Variants in DRC8 observed in about 807,000 individuals in gnomAD.
DRC8 encodes dynein regulatory complex protein 8.
the DRC8 span, among the ~76,000 whole-genome samples, chr1:245,082,383 G>A: frequency 2.0e-5 from 3 of 152,178 alleles, no homozygotes; most frequent in Non-Finnish European, 2.9e-5. Context: ...TAATTAGAGG[G>A]TAAATAAGCT....
At chr1:245,038,465 G>A in the DRC8 span, among the ~76,000 whole-genome samples, 2,228 of 145,810 alleles carry the variant, frequency 0.015, 57 homozygotes, top group African/African-American at 0.054. Flanking sequence ...GTGAGACTCC[G>A]TCTCAAAAAA....
At chr1:245,098,100 A>G in the DRC8 span, among the ~76,000 whole-genome samples, 1 of 152,176 alleles carries the variant, frequency 6.6e-6, no homozygotes, top group Non-Finnish European at 1.5e-5. Context: ...TTTGGGATCT[A>G]TTTGGAAGGT....
chr1:244,984,869 C>A, the DRC8 span, among the ~76,000 whole-genome samples: 6 of 146,722 alleles, frequency 4.1e-5, no homozygotes, highest in Non-Finnish European at 3.0e-5. Context: ...AAAAAAACTC[C>A]CTCAATTTCC....
the DRC8 span, among the ~76,000 whole-genome samples, chr1:245,108,229 C>T: frequency 6.6e-6 from 1 of 152,272 alleles, no homozygotes; most frequent in Non-Finnish European, 1.5e-5. Context: ...CTTCCATTTC[C>T]CAGCCTCCTG....
At chr1:244,989,501 G>A in the DRC8 span, among the ~76,000 whole-genome samples, 1 of 152,122 alleles carries the variant, frequency 6.6e-6, no homozygotes, top group African/African-American at 2.4e-5. Flanking sequence ...GGGATTTTAG[G>A]AGGGAGACCA....
chr1:245,013,303 A>T, the DRC8 span, among the ~76,000 whole-genome samples: 2 of 152,212 alleles, frequency 1.3e-5, no homozygotes, highest in Admixed American at 6.5e-5. Flanking sequence ...TATGAGAAGA[A>T]ATCTCAACAG....
At chr1:245,082,184 T>C in the DRC8 span, 1 of 1,581,366 alleles carries the variant, frequency 6.3e-7, no homozygotes, top group African/African-American at 1.3e-5. Context: ...AATGCAATTG[T>C]TAAGGCAAAG....
At chr1:244,986,427 G>A in the DRC8 span, among the ~76,000 whole-genome samples, 39 of 152,316 alleles carry the variant, frequency 2.6e-4, no homozygotes, top group Non-Finnish European at 2.1e-4. Flanking sequence ...ACATGAAGGT[G>A]GGAAGAATGG....
At chr1:245,045,279 G>A in the DRC8 span, among the ~76,000 whole-genome samples, 2 of 152,186 alleles carry the variant, frequency 1.3e-5, no homozygotes, top group African/African-American at 4.8e-5. Flanking sequence ...CACAGTGCTG[G>A]GATCACAGGT....
chr1:244,997,263 G>T, the DRC8 span, among the ~76,000 whole-genome samples: 1 of 151,904 alleles, frequency 6.6e-6, no homozygotes, highest in African/African-American at 2.4e-5. Context: ...AGAGTCCTTT[G>T]GAGCGTCAGA....
At chr1:245,002,372 A>C in the DRC8 span, 1 of 704,220 alleles carries the variant, frequency 1.4e-6, no homozygotes, top group East Asian at 2.7e-5. Context: ...ATAAATCTTC[A>C]TTTGATAGCT....
the DRC8 span, among the ~76,000 whole-genome samples, chr1:245,051,033 AT>A: frequency 2.6e-5 from 4 of 151,994 alleles, no homozygotes; most frequent in African/African-American, 9.7e-5. Context: ...TACCCCAATA[AT>A]TTTTAAAAAA....
At chr1:245,077,262 A>G in the DRC8 span, among the ~76,000 whole-genome samples, 74 of 152,274 alleles carry the variant, frequency 4.9e-4, no homozygotes, top group African/African-American at 1.7e-3. Flanking sequence ...AGCATGATTA[A>G]ACATCTACCC....
chr1:245,002,262 A>G, the DRC8 span: 9 of 1,557,438 alleles, frequency 5.8e-6, no homozygotes, highest in East Asian at 1.1e-4. Context: ...CCTCCCCATC[A>G]CTGTGTCAAT....
At chr1:245,039,307 A>C in the DRC8 span, among the ~76,000 whole-genome samples, 3 of 60,034 alleles carry the variant, frequency 5.0e-5, no homozygotes, top group African/African-American at 7.9e-5. Flanking sequence ...CTACAAAAAA[A>C]AAAAAAAAAA....
At chr1:245,081,968 G>T in the DRC8 span, 1 of 791,712 alleles carries the variant, frequency 1.3e-6, no homozygotes. Context: ...CAGGGGTCAC[G>T]CCCAAGTGTG....
the DRC8 span, among the ~76,000 whole-genome samples, chr1:245,015,946 C>G: frequency 7.0e-6 from 1 of 143,728 alleles, no homozygotes; most frequent in Non-Finnish European, 1.5e-5. Context: ...AGCCGAAATC[C>G]TTAAAGTAGC....
At chr1:245,026,154 C>T in the DRC8 span, among the ~76,000 whole-genome samples, 4 of 152,166 alleles carry the variant, frequency 2.6e-5, no homozygotes, top group African/African-American at 9.7e-5. Flanking sequence ...CAGTGAGTCT[C>T]TTTTTTCATT....
chr1:244,980,842 T>C, the DRC8 span, among the ~76,000 whole-genome samples: 2 of 152,196 alleles, frequency 1.3e-5, no homozygotes, highest in Non-Finnish European at 2.9e-5. Flanking sequence ...TGTAAGTGGT[T>C]GTAGTCTTGG....
Sources: gnomAD v4.1 joint callset for allele counts (sites outside exome capture counted in the v4.1 genomes callset) on GRCh38, gnomAD v4.1.1 for gene constraint, MANE v1.5 for transcripts, NCBI Gene and HGNC (gene_info 2026-07-23, HGNC 2026-07-21) for gene names.